Variants in XRCC5 observed in about 807,000 individuals in gnomAD.
XRCC5 encodes DNA repair protein Ku80.
A neutral mutation model predicts 95.7 loss-of-function variants in XRCC5; 12 were observed. The observed-to-expected ratio is 0.13, with a 90% CI of 0.08 to 0.20. The LOEUF (loss-of-function observed/expected upper bound fraction) is 0.20. Among genes scored for constraint, XRCC5 ranks in the 10% least tolerant of loss-of-function variants. The probability of loss-of-function intolerance (pLI) is 1.00; values close to 1 mark genes in which losing one functional copy is unlikely to be tolerated. For missense variants in XRCC5, 595 were observed against 873.9 expected (o/e 0.68, Z 4.02); for synonymous variants, 281 against 290.3 (o/e 0.97, Z 0.33).
chr2:216,149,988 A>C (rs16855477), intron 14 of XRCC5, among the ~76,000 whole-genome samples: 6,915 of 152,242 alleles, frequency 0.045, 483 homozygotes, highest in African/African-American at 0.16. Context: ...GAAATGATTC[A>C]TTTAGCAAAT....
At chr2:216,170,686 C>T (rs112311778) in intron 16 of XRCC5, among the ~76,000 whole-genome samples, 26 of 152,172 alleles carry the variant, frequency 1.7e-4, no homozygotes, top group Non-Finnish European at 3.5e-4. Context: ...CTTGGGCCAT[C>T]AGTGCAACAA....
intron 16 of XRCC5, among the ~76,000 whole-genome samples, chr2:216,167,570 TTGTGTGTGTGTGTGTGTGTGTG>T (rs58499938): frequency 3.0e-4 from 42 of 138,496 alleles, no homozygotes; most frequent in African/African-American, 9.2e-4. Context: ...GTGTGTGGGT[TTGTGTGTGTGTGTGTGTGTGTG>T]TGTGTGTGTG....
At chr2:216,117,071 A>G in intron 3 of XRCC5, 1 of 550,026 alleles carries the variant, frequency 1.8e-6, no homozygotes, top group Non-Finnish European at 3.2e-6. Flanking sequence ...CATGGGTGAT[A>G]CTGAGAGGTT....
At chr2:216,202,572 A>G (rs1231023722) in intron 19 of XRCC5, among the ~76,000 whole-genome samples, 2 of 152,322 alleles carry the variant, frequency 1.3e-5, no homozygotes, top group East Asian at 1.9e-4. Flanking sequence ...TCTGTTACAG[A>G]CTGTCTGCCT....
rs748769731 is a variant in XRCC5 at position 216,116,654 on chromosome 2, T to C, written c.136-5T>C. 1 of 1,614,112 alleles carries C rather than the reference T, an allele frequency of 6.2e-7. No homozygotes were observed. The highest frequency in any genetic ancestry group is 1.1e-5 in the South Asian group (1 of 91,084). ...GGTTTTCAGCCATCTGACATTTTTT[T>C]CTAGGTGTTTGCTGAGAACAAGGAT... On this transcript the variant is annotated splice_region_variant and splice_polypyrimidine_tract_variant and intron_variant, in intron 2 of 20. Coordinates refer to ENST00000392132, the MANE Select transcript of XRCC5 (RefSeq NM_021141.4).
chr2:216,141,107 G>C (rs1190030787), intron 12 of XRCC5, 79 bp from the exon 13 acceptor site: 7 of 1,551,604 alleles, frequency 4.5e-6, no homozygotes, highest in Non-Finnish European at 5.3e-6. Context: ...TATTGCCGTG[G>C]ATATCTCTAC....
intron 1 of XRCC5, among the ~76,000 whole-genome samples, chr2:216,109,920 ATAACT>A (rs1420236101): frequency 3.3e-5 from 5 of 152,370 alleles, no homozygotes; most frequent in Admixed American, 2.0e-4. Context: ...TGTGACTAAA[ATAACT>A]TAAACTGTAA....
intron 9 of XRCC5, among the ~76,000 whole-genome samples, 166 bp from the exon 10 acceptor site, chr2:216,132,159 A>G (rs62178674): frequency 1.3e-5 from 2 of 152,224 alleles, no homozygotes; most frequent in Non-Finnish European, 2.9e-5. Flanking sequence ...CTGGGTGCTC[A>G]GATATTTGTT....
chr2:216,175,412 T>A (rs549829354), intron 16 of XRCC5: 1 of 518,254 alleles, frequency 1.9e-6, no homozygotes, highest in Non-Finnish European at 3.9e-6. Context: ...TCTGTGATCC[T>A]GCAGACTGCA....
intron 1 of XRCC5, among the ~76,000 whole-genome samples, chr2:216,112,408 T>G (rs896062020): frequency 1.3e-5 from 2 of 152,240 alleles, no homozygotes; most frequent in Non-Finnish European, 2.9e-5. Flanking sequence ...CAGTGCATAC[T>G]TCTATCATGG....
intron 14 of XRCC5, among the ~76,000 whole-genome samples, chr2:216,158,161 C>T (rs1688882528): frequency 6.6e-6 from 1 of 152,196 alleles, no homozygotes; most frequent in Non-Finnish European, 1.5e-5. Context: ...TCCCCCACAA[C>T]TTAGCTTTTT....
At chr2:216,113,359 AC>A (rs1696629910) in intron 2 of XRCC5, among the ~76,000 whole-genome samples, 1 of 152,198 alleles carries the variant, frequency 6.6e-6, no homozygotes, top group African/African-American at 2.4e-5. Flanking sequence ...TTTATCGGAA[AC>A]AAGAGGCAGT....
chr2:216,141,310 A>T lies in XRCC5; in HGVS notation c.1467A>T (p.Arg489Ser). Reference protein sequence around the residue: ...TTKIPNPRFQRLFQCLLHRAL... With the variant: ...TTKIPNPRFQSLFQCLLHRAL... ...AAATCCCAAATCCTCGATTTCAGAG[A>T]TTATTTCAGGTAAGAGAAGAAGGAT... is the stretch of plus-strand genomic sequence containing the variant. The change falls in exon 13 of 21, where the codon AGA (arginine) becomes AGT (serine). Residue 489 changes from arginine to serine, a missense_variant. By Grantham distance (110) the Arg-to-Ser change is moderately radical. This residue lies in a region of XRCC5 where 309 missense variants were observed against 382.9 expected (regional missense o/e 0.81). Transcript: ENST00000392132. 1 of 1,614,116 alleles carries T rather than the reference A, an allele frequency of 6.2e-7. No individual in the cohort carries two copies. The highest frequency in any genetic ancestry group is 1.1e-5 in the South Asian group (1 of 91,084).
rs556178880 is a variant in XRCC5 at position 216,196,032 on chromosome 2, G to A, written c.2109+1046G>A. 2.6e-5 allele frequency among the ~76,000 whole-genome samples: 4 copies of A among 152,232 alleles called. No individual in the cohort carries two copies. In the South Asian group the frequency reaches 6.2e-4, roughly 24 times the overall value. ...GAGCTTGGTCTGGGGCTGGTGAATAGGAATCTGTTAGGGAAGTGACAGATG... is the reference window on the plus strand; with the variant it reads ...GAGCTTGGTCTGGGGCTGGTGAATAAGAATCTGTTAGGGAAGTGACAGATG... On this transcript the variant is annotated intron_variant, in intron 19 of 20. Coordinates refer to ENST00000392132, the MANE Select transcript of XRCC5 (RefSeq NM_021141.4).
At chr2:216,176,760 C>G (rs1054664211) in intron 16 of XRCC5, among the ~76,000 whole-genome samples, 5 of 152,012 alleles carry the variant, frequency 3.3e-5, no homozygotes, top group African/African-American at 9.7e-5. Context: ...GGCTGTAATT[C>G]ACTTTTCATT....
Position 216,137,096 on chromosome 2 carries a change from A to G in XRCC5, c.1122A>G (p.Ala374=), listed in dbSNP as rs777133510. The G allele has an allele frequency of 5.6e-6, 9 of 1,613,286 alleles. No homozygotes were observed. The South Asian group carries it at 9.9e-5, about 18-fold the overall frequency. Residue 374 remains alanine (A), a synonymous_variant, in exon 11 of 21, where the codon GCA becomes GCG. Transcript: ENST00000392132. ...VFAARDDEAA[A]VALSSLIHAL... The stretch of plus-strand genomic sequence containing the variant: ...TCCATCTTTCTTACCAGGCAGCTGC[A>G]GTTGCACTTTCCTCCCTGATTCATG...
chr2:216,126,002 T>C lies in XRCC5; in HGVS notation c.769T>C (p.Leu257=). The change falls in exon 7 of 21, where the codon TTG becomes CTG. Residue 257 remains leucine, a synonymous_variant. Coordinates refer to ENST00000392132, the MANE Select transcript of XRCC5 (RefSeq NM_021141.4). ...WPCRLTIGSN[L]SIRIAAYKSI... ...CTGCCGACTGACCATTGGCTCCAAT[T>C]TGTCTATAAGGATTGCAGCCTATAA... 1 of 1,613,920 alleles carries C rather than the reference T, an allele frequency of 6.2e-7. No homozygotes were observed. The highest frequency in any genetic ancestry group is 8.5e-7 in the Non-Finnish European group (1 of 1,179,828).
At chr2:216,124,496 G>A (rs958659149) in intron 6 of XRCC5, among the ~76,000 whole-genome samples, 2 of 152,096 alleles carry the variant, frequency 1.3e-5, no homozygotes, top group Non-Finnish European at 2.9e-5. Context: ...AGGCCATGAG[G>A]TTTATATTCT....
intron 16 of XRCC5, among the ~76,000 whole-genome samples, chr2:216,171,640 G>A (rs1249638424): frequency 6.6e-6 from 1 of 152,048 alleles, no homozygotes; most frequent in African/African-American, 2.4e-5. Context: ...GTATTTCATT[G>A]GTAGCCATTT....
Sources: gnomAD v4.1 joint callset for allele counts (sites outside exome capture counted in the v4.1 genomes callset) on GRCh38, gnomAD v4.1.1 for gene constraint, gnomAD v4.1.1 regional missense constraint, MANE v1.5 for transcripts, NCBI Gene and HGNC (gene_info 2026-07-23, HGNC 2026-07-21) for gene names.